Variants in ELOVL5 observed in about 807,000 individuals in gnomAD.
ELOVL5 encodes the protein ELOVL fatty acid elongase 5.
ELOVL5 carries 8 observed loss-of-function variants against 38.6 expected under a neutral mutation model. The observed-to-expected ratio is 0.21, with a 90% CI of 0.12 to 0.37. The LOEUF is 0.37. ELOVL5 is among the 10% of genes least tolerant of loss of function. ELOVL5 has a pLI of 1.00. For synonymous variants in ELOVL5, 127 were observed against 133.7 expected (o/e 0.95, Z 0.34); for missense variants, 280 against 367.8 (o/e 0.76, Z 1.95).
chr6:53,304,337 TCTA>T, intron 1 of ELOVL5, among the ~76,000 whole-genome samples: 3 of 152,310 alleles, frequency 2.0e-5, no homozygotes, highest in Middle Eastern at 6.8e-3. Flanking sequence ...TCTCTTCTCT[TCTA>T]CTACATGATC....
At chr6:53,294,607 T>G in intron 2 of ELOVL5, 2 of 1,376,022 alleles carry the variant, frequency 1.5e-6, no homozygotes, top group Non-Finnish European at 1.9e-6. Flanking sequence ...ATTATTATTA[T>G]TATTTTAGCC....
At chr6:53,272,584 A>T (rs1765964814) in intron 6 of ELOVL5, among the ~76,000 whole-genome samples, 1 of 152,250 alleles carries the variant, frequency 6.6e-6, no homozygotes, top group Non-Finnish European at 1.5e-5. Flanking sequence ...AGACGAATTC[A>T]TGAGAGGAGA....
At chr6:53,333,391 C>T (rs1768891598) in intron 1 of ELOVL5, among the ~76,000 whole-genome samples, 1 of 152,158 alleles carries the variant, frequency 6.6e-6, no homozygotes, top group Non-Finnish European at 1.5e-5. Flanking sequence ...TTAGAGGAAA[C>T]TGACTTGATC....
intron 1 of ELOVL5, among the ~76,000 whole-genome samples, chr6:53,340,905 TGA>T (rs1166252271): frequency 6.6e-6 from 1 of 152,166 alleles, no homozygotes; most frequent in African/African-American, 2.4e-5. Flanking sequence ...CTAAAGAATG[TGA>T]GTGTCTTTCC....
At chr6:53,275,372 C>A in intron 4 of ELOVL5, 111 bp from the exon 5 acceptor site, 1 of 1,096,072 alleles carries the variant, frequency 9.1e-7, no homozygotes, top group Non-Finnish European at 1.3e-6. Flanking sequence ...CGGAGAAGCC[C>A]GAGTGCCCCA....
chr6:53,294,048 C>T (rs1177521821), intron 2 of ELOVL5: 2 of 1,243,528 alleles, frequency 1.6e-6, no homozygotes, highest in Non-Finnish European at 2.1e-6. Context: ...TTTGTATGAA[C>T]ATATATATCA....
chr6:53,272,763 G>C (rs994602870), intron 6 of ELOVL5, among the ~76,000 whole-genome samples: 1 of 152,132 alleles, frequency 6.6e-6, no homozygotes, highest in Admixed American at 6.5e-5. Flanking sequence ...TGGGGGCTGA[G>C]GGGTCATCCA....
chr6:53,288,106 T>C (rs1267167226), intron 3 of ELOVL5, among the ~76,000 whole-genome samples: 1 of 152,178 alleles, frequency 6.6e-6, no homozygotes, highest in African/African-American at 2.4e-5. Context: ...GTGGCTTTGA[T>C]AGCTCACTGG....
chr6:53,312,929 C>T (rs533950662), intron 1 of ELOVL5, among the ~76,000 whole-genome samples: 32 of 152,272 alleles, frequency 2.1e-4, no homozygotes, highest in African/African-American at 7.5e-4. Flanking sequence ...TAAGACTTTA[C>T]CTAAATGCAG....
Position 53,295,633 on chromosome 6 carries a change from C to T in ELOVL5, c.58+9G>A, listed in dbSNP as rs1254596398. ...TGCAGAAGGTAAGCAAAACCAAAAA[C>T]CACCTTACCTCGAGGGCCTAGCAAT... On this transcript the variant is annotated intron_variant, in intron 2 of 7. Transcript: ENST00000304434. 3 of 1,598,112 alleles carry T rather than the reference C, an allele frequency of 1.9e-6. No homozygotes were observed. Among genetic ancestry groups the T allele is most frequent in the Non-Finnish European group, 2.6e-6 (3 of 1,174,426 alleles).
rs759376731 is a variant in ELOVL5 at position 53,348,904 on chromosome 6, G to C, written c.-96C>G. ...GCGGGTGGCAGCCGGCGCAGAGGCG[G>C]ATGTAGAAGGAGACACCGGTGGCTA... On this transcript the variant is annotated 5_prime_UTR_variant, in exon 1 of 8. It adds an upstream start codon to the 5' untranslated region. Transcript: ENST00000304434. The C allele has an allele frequency of 2.2e-6, 1 of 451,938 alleles. No homozygotes were observed. The highest frequency in any genetic ancestry group is 2.4e-5 in the Admixed American group (1 of 42,176). The allele number at this position is 451,938 out of a possible 1,614,324, so 28.0% of individuals were successfully genotyped here. A position where few individuals can be genotyped will look rare whatever the true frequency, so the allele number is the denominator to read the frequency against.
chr6:53,274,745 T>C (rs1159777367), intron 5 of ELOVL5, among the ~76,000 whole-genome samples: 1 of 152,198 alleles, frequency 6.6e-6, no homozygotes, highest in African/African-American at 2.4e-5. Flanking sequence ...CATGCAACAG[T>C]GTGATCCTAT....
At chr6:53,306,229 G>C (rs1180906216) in intron 1 of ELOVL5, among the ~76,000 whole-genome samples, 1 of 25,224 alleles carries the variant, frequency 4.0e-5, no homozygotes, top group African/African-American at 4.6e-4. Context: ...GGAGAGGGGA[G>C]AGGGGAGAGG....
intron 1 of ELOVL5, among the ~76,000 whole-genome samples, chr6:53,303,022 TCAGTCAACTCGTTAACGTTAGG>T (rs1295715322): frequency 3.9e-5 from 6 of 152,222 alleles, no homozygotes; most frequent in Non-Finnish European, 7.3e-5. Flanking sequence ...ATCACTTTTA[TCAGTCAACTCGTTAACGTTAGG>T]CAGGCATGGG....
intron 1 of ELOVL5, among the ~76,000 whole-genome samples, chr6:53,300,955 C>T (rs1767225037): frequency 6.6e-6 from 1 of 152,144 alleles, no homozygotes; most frequent in Admixed American, 6.5e-5. Context: ...GCCTCATCTG[C>T]TATGCCACAT....
At position 53,274,915 on chromosome 6, in the gene ELOVL5, A is replaced by G. The variant is rs112312603; in HGVS notation, c.496+175T>C. 5.3e-5 allele frequency among the ~76,000 whole-genome samples: 8 copies of G among 152,372 alleles called. 2 individuals are homozygous for G. Among genetic ancestry groups the G allele is most frequent in the African/African-American group, 1.9e-4 (8 of 41,598 alleles). ...CCAATCAGCACAGAAAGTTCACTTAACTAAAAAAGGGTTTTGTGTGCATAG... is the reference window on the plus strand; with the variant it reads ...CCAATCAGCACAGAAAGTTCACTTAGCTAAAAAAGGGTTTTGTGTGCATAG... On this transcript the variant is annotated intron_variant, in intron 5 of 7. Transcript: ENST00000304434.
intron 1 of ELOVL5, among the ~76,000 whole-genome samples, chr6:53,331,345 T>A (rs7745313): frequency 0.36 from 55,265 of 152,010 alleles, 11,156 homozygotes; most frequent in African/African-American, 0.55. Context: ...TAAATAAAAA[T>A]TTTTTAAATG....
chr6:53,292,117 T>C (rs950888900), intron 2 of ELOVL5, among the ~76,000 whole-genome samples, 154 bp from the exon 3 acceptor site: 8 of 152,166 alleles, frequency 5.3e-5, no homozygotes, highest in Non-Finnish European at 7.3e-5. Context: ...GGATTTTCAA[T>C]ACATATCAAA....
chr6:53,291,789 T>G lies in ELOVL5; in HGVS notation c.233A>C (p.Tyr78Ser). ...CCTTTGACTTACCTCACAGAACATA[T>G]ACAGAGACAGCAGTGTGAGTCCAAG... Reference protein sequence around the residue: ...YNLGLTLLSLYMFCELVTGVW... With the variant: ...YNLGLTLLSLSMFCELVTGVW... The change falls in exon 3 of 8, where the codon TAT becomes TCT. Residue 78 changes from tyrosine (Y) to serine (S), a missense_variant. Physicochemically the swap from Tyr to Ser is moderately radical, Grantham distance 144. Coordinates refer to ENST00000304434, the MANE Select transcript of ELOVL5 (RefSeq NM_021814.5). 6.2e-7 allele frequency: 1 copy of G among 1,612,230 alleles called. No individual in the cohort carries two copies. Among genetic ancestry groups the G allele is most frequent in the Non-Finnish European group, 8.5e-7 (1 of 1,179,256 alleles).
Sources: gnomAD v4.1 joint callset for allele counts (sites outside exome capture counted in the v4.1 genomes callset) on GRCh38, gnomAD v4.1.1 for gene constraint, MANE v1.5 for transcripts, NCBI Gene and HGNC (gene_info 2026-07-23, HGNC 2026-07-21) for gene names.